The following TOMM5 variants were observed in gnomAD, a reference collection of about 807,000 sequenced individuals.
TOMM5 encodes the protein translocase of outer mitochondrial membrane 5, also known as mitochondrial import receptor subunit TOM5 homolog.
In TOMM5, 1 loss-of-function variant was observed where a neutral mutation model predicts 4.8. The observed-to-expected ratio is 0.21, with a 90% CI of 0.07 to 0.99. The LOEUF (loss-of-function observed/expected upper bound fraction) is 0.99. Among genes scored for constraint, TOMM5 ranks in the 50% least tolerant of loss-of-function variants. The pLI is 0.60. For synonymous variants in TOMM5, 26 were observed against 26.7 expected (o/e 0.97, Z 0.08); for missense variants, 60 against 66.6 (o/e 0.90, Z 0.35).
intron 1 of TOMM5, among the ~76,000 whole-genome samples, 187 bp from the exon 2 acceptor site, chr9:37,589,119 T>G (rs1823061330): frequency 6.6e-6 from 1 of 152,282 alleles, no homozygotes; most frequent in South Asian, 2.1e-4. Context: ...GTCATTCAGC[T>G]ATTATTGTAA....
chr9:37,591,259 C>A (rs1457092870), intron 1 of TOMM5, among the ~76,000 whole-genome samples: 1 of 151,990 alleles, frequency 6.6e-6, no homozygotes. Flanking sequence ...GAAAAAAAAA[C>A]CTCAAATATT....
At chr9:37,589,086 C>T (rs566888004) in intron 1 of TOMM5, among the ~76,000 whole-genome samples, 154 bp from the exon 2 acceptor site, 1 of 152,354 alleles carries the variant, frequency 6.6e-6, no homozygotes, top group South Asian at 2.1e-4. Context: ...GACTAGTTGC[C>T]TTCCAAAGCA....
At position 37,588,721 on chromosome 9, in the gene TOMM5, A is replaced by C. The variant is rs756310815; in HGVS notation, c.*177T>G. 2.8e-6 allele frequency: 2 copies of C among 712,296 alleles called. No individual in the cohort carries two copies. Among genetic ancestry groups the C allele is most frequent in the East Asian group, 2.7e-5 (1 of 37,312 alleles). The allele number at this position is 712,296 out of a possible 1,614,324, so 44.1% of individuals were successfully genotyped here. ...AGACATCGTTTCATACTTCCCAAATAGTTTTATATTTTAGCTTTGAAGGTC... is the reference window on the plus strand; with the variant it reads ...AGACATCGTTTCATACTTCCCAAATCGTTTTATATTTTAGCTTTGAAGGTC... On this transcript the variant is annotated 3_prime_UTR_variant, in exon 2 of 2. Coordinates refer to ENST00000321301, the MANE Select transcript of TOMM5 (RefSeq NM_001001790.3).
Position 37,588,824 on chromosome 9 carries a change from T to C in TOMM5, c.*74A>G. 1.4e-6 allele frequency: 2 copies of C among 1,433,640 alleles called. No individual in the cohort carries two copies. The highest frequency in any genetic ancestry group is 2.0e-6 in the Non-Finnish European group (2 of 1,015,652). 88.8% of individuals were successfully genotyped at this position (1,433,640 alleles called of 1,614,324 possible). On this transcript the variant is annotated 3_prime_UTR_variant, in exon 2 of 2. Coordinates refer to ENST00000321301, the MANE Select transcript of TOMM5 (RefSeq NM_001001790.3). ...AGAGTCTCTTACACCTTTCTGGGCC[T>C]ATTCACTTGCAGAGAGGAGTCGAAA...
chr9:37,590,346 T>C (rs997601207), intron 1 of TOMM5, among the ~76,000 whole-genome samples: 2 of 151,814 alleles, frequency 1.3e-5, no homozygotes, highest in African/African-American at 4.8e-5. Context: ...CTGTGAGCCA[T>C]GATCACTGCA....
chr9:37,588,639 T>C lies in TOMM5; in HGVS notation c.*259A>G. ...AAACGGAGTTTGACATTATTTACAA[T>C]TATACCAGTATTGTCAGAGGCCAAA... On this transcript the variant is annotated 3_prime_UTR_variant, in exon 2 of 2. Coordinates refer to ENST00000321301, the MANE Select transcript of TOMM5 (RefSeq NM_001001790.3). 1 of 629,640 alleles carries C rather than the reference T, an allele frequency of 1.6e-6. No individual in the cohort carries two copies. Among genetic ancestry groups the C allele is most frequent in the Non-Finnish European group, 2.9e-6 (1 of 344,316 alleles). The allele number at this position is 629,640 out of a possible 1,614,324, so 39.0% of individuals were successfully genotyped here.
chr9:37,589,663 A>G lies in TOMM5; in HGVS notation c.122-731T>C, dbSNP rs528812740. On this transcript the variant is annotated intron_variant, in intron 1 of 1. Transcript: ENST00000321301. The stretch of plus-strand genomic sequence containing the variant: ...CAGCCTCCTGAATAGTTGGGACTAT[A>G]GGCACATGCCACTATGCCTGGCTAA... 3.3e-4 allele frequency among the ~76,000 whole-genome samples: 51 copies of G among 152,296 alleles called. No homozygotes were observed. In the East Asian group the frequency reaches 9.0e-3, roughly 27 times the overall value.
chr9:37,589,797 C>T (rs887377541), intron 1 of TOMM5, among the ~76,000 whole-genome samples: 4 of 152,122 alleles, frequency 2.6e-5, no homozygotes, highest in Non-Finnish European at 1.5e-5. Context: ...GCTGGAATTA[C>T]AGGCATGAGC....
intron 1 of TOMM5, among the ~76,000 whole-genome samples, chr9:37,589,188 A>G (rs1823062567): frequency 6.6e-6 from 1 of 152,254 alleles, no homozygotes; most frequent in African/African-American, 2.4e-5. Flanking sequence ...TTAGGGCCAT[A>G]AAGTATAAAT....
chr9:37,591,363 A>T (rs1823097869), intron 1 of TOMM5, among the ~76,000 whole-genome samples: 1 of 152,190 alleles, frequency 6.6e-6, no homozygotes, highest in African/African-American at 2.4e-5. Flanking sequence ...ACAGAAATGA[A>T]GCAAAACTTT....
At chr9:37,590,135 T>C (rs76672051) in intron 1 of TOMM5, among the ~76,000 whole-genome samples, 2,500 of 152,270 alleles carry the variant, frequency 0.016, 35 homozygotes, top group South Asian at 0.046. Context: ...ACCACACCTG[T>C]AATCCCAACA....
At chr9:37,590,161 A>T in intron 1 of TOMM5, among the ~76,000 whole-genome samples, 1 of 152,288 alleles carries the variant, frequency 6.6e-6, no homozygotes, top group African/African-American at 2.4e-5. Context: ...GGAGGAGGAA[A>T]TGAGAAGGAT....
At position 37,588,988 on chromosome 9, in the gene TOMM5, A is replaced by C. The variant is rs1823059237; in HGVS notation, c.122-56T>G. 4 of 1,397,770 alleles carry C rather than the reference A, an allele frequency of 2.9e-6. No individual in the cohort carries two copies. In the Admixed American group the frequency reaches 5.3e-5, roughly 18 times the overall value. The allele number at this position is 1,397,770 out of a possible 1,614,324, so 86.6% of individuals were successfully genotyped here. A position where few individuals can be genotyped will look rare whatever the true frequency, so the allele number is the denominator to read the frequency against. On this transcript the variant is annotated intron_variant, in intron 1 of 1. Transcript: ENST00000321301. ...TCAAATCTATTAGCCCATAGGCTAC[A>C]TTATAGAATTATCAGGTTTATTCAA...
chr9:37,590,789 G>A (rs1183807411), intron 1 of TOMM5, among the ~76,000 whole-genome samples: 1 of 152,134 alleles, frequency 6.6e-6, no homozygotes, highest in Non-Finnish European at 1.5e-5. Context: ...GGATGATACG[G>A]GTGTTTCTGT....
rs894944278 is a variant in TOMM5, at chr9:37,588,665, C to T, written c.*233G>A. ...TATACCAGTATTGTCAGAGGCCAAA[C>T]GTCACAGGGATAAGGGTACACCAGA... On this transcript the variant is annotated 3_prime_UTR_variant, in exon 2 of 2. Transcript: ENST00000321301. 1.0e-5 allele frequency: 7 copies of T among 675,370 alleles called. No individual in the cohort carries two copies. Among genetic ancestry groups the T allele is most frequent in the South Asian group, 4.6e-5 (3 of 65,358 alleles). 41.8% of individuals were successfully genotyped at this position (675,370 alleles called of 1,614,324 possible). A position where few individuals can be genotyped will look rare whatever the true frequency, so the allele number is the denominator to read the frequency against.
chr9:37,589,473 T>C (rs572479169), intron 1 of TOMM5, among the ~76,000 whole-genome samples: 1 of 152,158 alleles, frequency 6.6e-6, no homozygotes, highest in African/African-American at 2.4e-5. Context: ...ATCATGTACA[T>C]AGAAATGTCT....
chr9:37,591,895 AT>A (rs1823109070), intron 1 of TOMM5, among the ~76,000 whole-genome samples: 1 of 151,968 alleles, frequency 6.6e-6, no homozygotes, highest in Non-Finnish European at 1.5e-5. Flanking sequence ...TCCTCTAGGG[AT>A]AATTACTTGA....
intron 1 of TOMM5, among the ~76,000 whole-genome samples, chr9:37,590,251 G>A (rs1823079808): frequency 6.6e-6 from 1 of 152,090 alleles, no homozygotes; most frequent in Non-Finnish European, 1.5e-5. Flanking sequence ...AATTAGCAGG[G>A]CGTGGTGGTG....
intron 1 of TOMM5, among the ~76,000 whole-genome samples, chr9:37,589,238 T>A (rs1043140676): frequency 4.6e-5 from 7 of 152,252 alleles, no homozygotes. Context: ...CTCTAGCGAT[T>A]TATTTTAACT....
Sources: allele counts gnomAD v4.1 joint callset (sites outside exome capture counted in the v4.1 genomes callset), GRCh38; gene constraint gnomAD v4.1.1; transcripts MANE v1.5; gene names NCBI Gene and HGNC (gene_info 2026-07-23, HGNC 2026-07-21).